S100A1: variants seen among roughly 807,000 people sequenced by gnomAD.
S100A1 encodes S100 calcium binding protein A1.
Under a neutral mutation model 7.6 loss-of-function variants are expected in S100A1, and 3 were observed. The ratio of observed to expected loss-of-function variants is 0.40; its 90% CI spans 0.18 to 1.02. S100A1 has a LOEUF of 1.02. S100A1 is among the 50% of genes least tolerant of loss of function. The probability of loss-of-function intolerance (pLI) is 0.35; values close to 1 mark genes in which losing one functional copy is unlikely to be tolerated. For missense variants in S100A1, 126 were observed against 115.0 expected (o/e 1.10, Z -0.44); for synonymous variants, 49 against 49.0 (o/e 1.00, Z 0.00).
intron 1 of S100A1, chr1:153,629,719 C>G (rs558570089): frequency 6.6e-6 from 1 of 152,406 alleles, no homozygotes; most frequent in Admixed American, 6.5e-5. Context: ...AGGGACAACG[C>G]CTGCAGGTCT....
intron 1 of S100A1, 196 bp from the exon 2 acceptor site, chr1:153,630,313 G>A (rs914912458): frequency 4.7e-6 from 3 of 631,752 alleles, no homozygotes; most frequent in African/African-American, 1.8e-5. Context: ...GAGGGACACA[G>A]AGAACAGGCC....
chr1:153,631,837 G>A lies in S100A1; in HGVS notation c.281G>A (p.Ser94Asn). 6.2e-7 allele frequency: 1 copy of A among 1,613,798 alleles called. No homozygotes were observed. The highest frequency in any genetic ancestry group is 8.5e-7 in the Non-Finnish European group (1 of 1,179,986). Reference sequence around the variant, plus strand: ...TGTAACAATTTCTTCTGGGAGAACAGTTGAGCAGACAGCCACATTGGGCAG... The same window carrying A: ...TGTAACAATTTCTTCTGGGAGAACAATTGAGCAGACAGCCACATTGGGCAG... ...VACNNFFWENS is the reference protein window; with the variant it reads ...VACNNFFWENN Residue 94 changes from serine to asparagine, a missense_variant, in exon 3 of 3, where the codon AGT (serine) becomes AAT (asparagine). Transcript: ENST00000292169.
intron 2 of S100A1, chr1:153,631,201 G>T (rs1667992560): frequency 6.5e-6 from 3 of 464,480 alleles, no homozygotes; most frequent in Non-Finnish European, 1.2e-5. Flanking sequence ...AAACTAGGCT[G>T]CTAAGGCTAA....
At position 153,630,588 on chromosome 1, in the gene S100A1, G is replaced by A. The variant is rs201245386; in HGVS notation, c.67G>A (p.Glu23Lys). ...INVFHAHSGK[E>K]GDKYKLSKKE... ...CGTGTTCCACGCCCACTCGGGCAAA[G>A]AGGGGGACAAGTACAAGCTGAGCAA... Residue 23 changes from glutamate to lysine, a missense_variant, in exon 2 of 3, where the codon GAG becomes AAG. Physicochemically the swap from Glu to Lys is moderately conservative, Grantham distance 56. Transcript: ENST00000292169. 124 of 1,614,272 alleles carry A rather than the reference G, an allele frequency of 7.7e-5. 3 individuals carry two copies. In the East Asian group the frequency reaches 2.8e-3, roughly 36 times the overall value.
intron 1 of S100A1, chr1:153,629,527 C>A (rs1279009787): frequency 1.3e-5 from 2 of 152,190 alleles, no homozygotes; most frequent in African/African-American, 2.4e-5. Context: ...GGGAAAGAGG[C>A]CCCCCGGCTT....
At position 153,630,678 on chromosome 1, in the gene S100A1, T is replaced by G. The variant is rs754790052; in HGVS notation, c.141+16T>G. On this transcript the variant is annotated intron_variant, in intron 2 of 2. Transcript: ENST00000292169. ...CTTCCTGGATGTGAGCATAGAGTGG[T>G]GGAGTGGGAGTGGAGTGGGTGAAGG... 2.5e-6 allele frequency: 4 copies of G among 1,613,310 alleles called. No homozygotes were observed. The African/African-American group carries it at 5.3e-5, about 22-fold the overall frequency.
At position 153,631,750 on chromosome 1, in the gene S100A1, A is replaced by G; in HGVS notation, c.194A>G (p.Asn65Ser). The G allele has an allele frequency of 6.2e-7, 1 of 1,614,202 alleles. No homozygotes were observed. The highest frequency in any genetic ancestry group is 8.5e-7 in the Non-Finnish European group (1 of 1,180,036). The change falls in exon 3 of 3, where the codon AAT (asparagine) becomes AGT (serine). Residue 65 changes from asparagine (N) to serine (S), a missense_variant. By Grantham distance (46) the Asn-to-Ser change is conservative (BLOSUM62 1). Coordinates refer to ENST00000292169, the MANE Select transcript of S100A1 (RefSeq NM_006271.2). The stretch of plus-strand genomic sequence containing the variant: ...AAGGTGATGAAGGAGCTAGACGAGA[A>G]TGGAGACGGGGAGGTGGACTTCCAG... ...VDKVMKELDE[N>S]GDGEVDFQEY...
intron 1 of S100A1, chr1:153,630,181 C>T (rs1374031424): frequency 4.7e-6 from 2 of 428,816 alleles, no homozygotes; most frequent in African/African-American, 4.0e-5. Context: ...CTGCCCCACC[C>T]TCCTCAATCC....
At chr1:153,630,188 A>G (rs976636476) in intron 1 of S100A1, 2 of 439,666 alleles carry the variant, frequency 4.5e-6, no homozygotes. Flanking sequence ...ACCCTCCTCA[A>G]TCCCTGCCTG....
At position 153,632,037 on chromosome 1, in the gene S100A1, C is replaced by CAGATGAGAGAGAAAGGCTTCTCTCT; in HGVS notation, c.*196_*197insAGATGAGAGAGAAAGGCTTCTCTCT. 1 of 617,506 alleles carries CAGATGAGAGAGAAAGGCTTCTCTCT rather than the reference C, an allele frequency of 1.6e-6. No homozygotes were observed. The highest frequency in any genetic ancestry group is 2.0e-5 in the South Asian group (1 of 49,952). The allele number at this position is 617,506 out of a possible 1,614,324, so 38.3% of individuals were successfully genotyped here. On this transcript the variant is annotated 3_prime_UTR_variant, in exon 3 of 3. Transcript: ENST00000292169. ...TCATTAAAGGCTTCTCTCTCACCAGCCATCCGATGTCTGTCTCCTCTGGGA... is the reference window on the plus strand; with the variant it reads ...TCATTAAAGGCTTCTCTCTCACCAGCAGATGAGAGAGAAAGGCTTCTCTCTCATCCGATGTCTGTCTCCTCTGGGA...
chr1:153,630,873 G>A lies in S100A1; in HGVS notation c.141+211G>A, dbSNP rs1352751896. On this transcript the variant is annotated intron_variant, in intron 2 of 2. Coordinates refer to ENST00000292169, the MANE Select transcript of S100A1 (RefSeq NM_006271.2). ...TTTATTGATCACCTGTTAAGTGTTAGGCCCTGTGTAGATTCATCAATAATA... is the reference window on the plus strand; with the variant it reads ...TTTATTGATCACCTGTTAAGTGTTAAGCCCTGTGTAGATTCATCAATAATA... 3 of 583,306 alleles carry A rather than the reference G, an allele frequency of 5.1e-6. No homozygotes were observed. The African/African-American group carries it at 5.6e-5, about 11-fold the overall frequency. 36.1% of individuals were successfully genotyped at this position (583,306 alleles called of 1,614,324 possible). A position where few individuals can be genotyped will look rare whatever the true frequency, so the allele number is the denominator to read the frequency against.
In S100A1 at chr1:153,631,027, G is replaced by A. The variant is rs1159547677; in HGVS notation, c.141+365G>A. 5 of 314,344 alleles carry A rather than the reference G, an allele frequency of 1.6e-5. No homozygotes were observed. The Admixed American group carries it at 2.3e-4, about 14-fold the overall frequency. 19.5% of individuals were successfully genotyped at this position (314,344 alleles called of 1,614,324 possible). ...ATTATTAACCTGATTGAAGTCAGAT[G>A]GCTTTCCTGAAGAGGTGGCACTTGA... On this transcript the variant is annotated intron_variant, in intron 2 of 2. Coordinates refer to ENST00000292169, the MANE Select transcript of S100A1 (RefSeq NM_006271.2).
At chr1:153,628,682 C>G in intron 1 of S100A1, 186 bp downstream of exon 1, 1 of 1,006,804 alleles carries the variant, frequency 9.9e-7, no homozygotes, top group Non-Finnish European at 1.4e-6. Context: ...TGATGAGAGA[C>G]AAATGAACTG....
intron 2 of S100A1, among the ~76,000 whole-genome samples, 168 bp downstream of exon 2, chr1:153,630,830 C>G (rs1667971205): frequency 6.6e-6 from 1 of 152,228 alleles, no homozygotes. Context: ...CCTCCTGGGT[C>G]AAGTCAAAAT....
intron 1 of S100A1, chr1:153,628,961 A>AG (rs1667843417): frequency 6.1e-6 from 1 of 163,002 alleles, no homozygotes; most frequent in African/African-American, 2.4e-5. Context: ...CCAAGAGCTC[A>AG]GGTCCCGGGG....
chr1:153,628,970 GGGA>G (rs1356197512), intron 1 of S100A1: 24 of 161,572 alleles, frequency 1.5e-4, no homozygotes, highest in Non-Finnish European at 3.1e-4. Flanking sequence ...CAGGTCCCGG[GGGA>G]GTCTGGGGGT....
Position 153,631,327 on chromosome 1 carries a change from G to A in S100A1, c.142-371G>A, listed in dbSNP as rs549386383. On this transcript the variant is annotated intron_variant, in intron 2 of 2. Transcript: ENST00000292169. ...CTACTTTCTAGCTGTGGGACTTTGG[G>A]CATATTTATTTAACCACCGATTACC... The A allele has an allele frequency of 4.4e-4, 372 of 846,544 alleles. No individual in the cohort carries two copies. In the African/African-American group the frequency reaches 5.9e-3, roughly 14 times the overall value. 52.4% of individuals were successfully genotyped at this position (846,544 alleles called of 1,614,324 possible). A position where few individuals can be genotyped will look rare whatever the true frequency, so the allele number is the denominator to read the frequency against.
intron 2 of S100A1, 144 bp downstream of exon 2, chr1:153,630,806 C>A: frequency 8.8e-7 from 1 of 1,133,570 alleles, no homozygotes. Context: ...TGGGTTTTTC[C>A]AGGCTCCCCT....
chr1:153,631,181 A>C (rs1043621307), intron 2 of S100A1: 8 of 412,248 alleles, frequency 1.9e-5, no homozygotes, highest in Admixed American at 1.2e-4. Context: ...ACTGGCATGA[A>C]GGATGTAGAA....
Sources: allele counts gnomAD v4.1 joint callset (sites outside exome capture counted in the v4.1 genomes callset), GRCh38; gene constraint gnomAD v4.1.1; transcripts MANE v1.5; gene names NCBI Gene and HGNC (gene_info 2026-07-23, HGNC 2026-07-21).